Variants in XRN1 observed in about 807,000 individuals in gnomAD.
The protein encoded by XRN1 is strand-exchange protein 1 homolog.
A neutral mutation model predicts 222.3 loss-of-function variants in XRN1; 67 were observed. That is an observed-to-expected ratio of 0.30 (90% CI 0.25 to 0.37). XRN1 has a LOEUF of 0.37. Among genes scored for constraint, XRN1 ranks in the 10% least tolerant of loss-of-function variants. The pLI is 1.00. For synonymous variants in XRN1, 643 were observed against 652.4 expected (o/e 0.99, Z 0.22); for missense variants, 1,707 against 2,000.2 (o/e 0.85, Z 2.80).
chr3:142,364,917 C>A, intron 29 of XRN1, 130 bp downstream of exon 29: 5 of 974,176 alleles, frequency 5.1e-6, no homozygotes, highest in East Asian at 3.4e-5. Flanking sequence ...AAAAATTTAA[C>A]TAAAACATAA....
At chr3:142,352,790 C>T (rs550090302) in intron 32 of XRN1, among the ~76,000 whole-genome samples, 5 of 152,150 alleles carry the variant, frequency 3.3e-5, no homozygotes, top group Non-Finnish European at 7.3e-5. Context: ...CACATGTGTG[C>T]CACCACAGCA....
At chr3:142,348,232 T>G (rs1165225026) in intron 32 of XRN1, among the ~76,000 whole-genome samples, 1 of 152,172 alleles carries the variant, frequency 6.6e-6, no homozygotes, top group Non-Finnish European at 1.5e-5. Context: ...TGGCTCTACA[T>G]TATGAAAATT....
intron 37 of XRN1, among the ~76,000 whole-genome samples, chr3:142,322,868 T>C (rs2065398496): frequency 6.6e-6 from 1 of 151,926 alleles, no homozygotes; most frequent in Non-Finnish European, 1.5e-5. Context: ...CCGAGCGTGG[T>C]GGCATGCACC....
At chr3:142,356,809 A>C in intron 31 of XRN1, 103 bp downstream of exon 31, 5 of 1,279,264 alleles carry the variant, frequency 3.9e-6, no homozygotes, top group Non-Finnish European at 5.4e-6. Context: ...CTTTTTAAAT[A>C]AAAGAGGGAA....
chr3:142,345,792 C>T (rs969516278), intron 33 of XRN1, among the ~76,000 whole-genome samples: 3 of 152,204 alleles, frequency 2.0e-5, no homozygotes, highest in Non-Finnish European at 4.4e-5. Context: ...AGATGCTCAA[C>T]ATTATTAGTC....
chr3:142,444,145 A>T (rs2070384275), intron 1 of XRN1, among the ~76,000 whole-genome samples: 1 of 152,156 alleles, frequency 6.6e-6, no homozygotes, highest in Non-Finnish European at 1.5e-5. Context: ...GAAAAACTGA[A>T]AGAACGAATA....
At chr3:142,421,779 C>T (rs1170431735) in intron 8 of XRN1, among the ~76,000 whole-genome samples, 1 of 152,010 alleles carries the variant, frequency 6.6e-6, no homozygotes, top group Non-Finnish European at 1.5e-5. Flanking sequence ...CATAATAATC[C>T]AACATTTGGT....
intron 5 of XRN1, among the ~76,000 whole-genome samples, chr3:142,424,217 C>T (rs942503785): frequency 2.0e-5 from 3 of 152,134 alleles, no homozygotes; most frequent in African/African-American, 7.2e-5. Context: ...GCCTCAGCCT[C>T]CAGAGTAGCT....
chr3:142,325,079 C>G (rs940332723), intron 37 of XRN1, among the ~76,000 whole-genome samples: 3 of 152,124 alleles, frequency 2.0e-5, no homozygotes, highest in African/African-American at 7.2e-5. Flanking sequence ...GACCTATACC[C>G]AGCAGTGGAA....
intron 20 of XRN1, among the ~76,000 whole-genome samples, chr3:142,390,501 T>C (rs934673581): frequency 6.6e-6 from 1 of 152,238 alleles, no homozygotes; most frequent in Admixed American, 6.5e-5. Context: ...TTCAAACTTT[T>C]CTTCTGCAGC....
intron 1 of XRN1, among the ~76,000 whole-genome samples, chr3:142,442,570 A>G (rs2070272123): frequency 6.6e-6 from 1 of 152,180 alleles, no homozygotes; most frequent in African/African-American, 2.4e-5. Context: ...AAAACCCTTC[A>G]CCAAACCTTT....
intron 1 of XRN1, among the ~76,000 whole-genome samples, chr3:142,442,880 C>G (rs1299527743): frequency 1.3e-5 from 2 of 152,170 alleles, no homozygotes; most frequent in South Asian, 4.1e-4. Flanking sequence ...ACTACGGGCG[C>G]CCAACACGAC....
intron 30 of XRN1, among the ~76,000 whole-genome samples, chr3:142,357,367 G>A (rs1244081433): frequency 6.6e-6 from 1 of 152,088 alleles, no homozygotes; most frequent in Non-Finnish European, 1.5e-5. Flanking sequence ...AGGGGTGTGT[G>A]TCGATTTGTC....
chr3:142,398,341 A>T (rs1334368285), intron 19 of XRN1, among the ~76,000 whole-genome samples: 1 of 152,090 alleles, frequency 6.6e-6, no homozygotes, highest in Non-Finnish European at 1.5e-5. Context: ...ATACAAATTC[A>T]ATATGAAGTA....
intron 2 of XRN1, among the ~76,000 whole-genome samples, chr3:142,427,490 A>G (rs1027284273): frequency 5.9e-5 from 9 of 152,252 alleles, no homozygotes; most frequent in Admixed American, 3.9e-4. Flanking sequence ...TTCATTATAT[A>G]TACTACATCT....
chr3:142,376,334 A>C, intron 24 of XRN1, 145 bp downstream of exon 24: 1 of 761,448 alleles, frequency 1.3e-6, no homozygotes, highest in Non-Finnish European at 2.2e-6. Flanking sequence ...ATTCAGATGA[A>C]AGATTACCAT....
At chr3:142,314,538 TAA>T (rs2065155988) in intron 39 of XRN1, among the ~76,000 whole-genome samples, 1 of 152,048 alleles carries the variant, frequency 6.6e-6, no homozygotes, top group Admixed American at 6.5e-5. Flanking sequence ...TTAGATTTTA[TAA>T]GTTACGGTGA....
chr3:142,440,621 T>G (rs1229550264), intron 1 of XRN1, among the ~76,000 whole-genome samples: 1 of 152,076 alleles, frequency 6.6e-6, no homozygotes, highest in African/African-American at 2.4e-5. Context: ...GCTCCTGCAA[T>G]ACTCCAAATT....
intron 1 of XRN1, among the ~76,000 whole-genome samples, chr3:142,440,439 A>G (rs768474031): frequency 1.1e-4 from 17 of 151,992 alleles, no homozygotes; most frequent in Non-Finnish European, 2.5e-4. Context: ...AGTCTGGGCA[A>G]CAGAAAGACA....
Sources: allele counts gnomAD v4.1 joint callset (sites outside exome capture counted in the v4.1 genomes callset), GRCh38; gene constraint gnomAD v4.1.1; transcripts MANE v1.5; gene names NCBI Gene and HGNC (gene_info 2026-07-23, HGNC 2026-07-21).